Variants in DLD observed in about 807,000 individuals in gnomAD.
DLD encodes dihydrolipoamide dehydrogenase, also known as dihydrolipoyl dehydrogenase, mitochondrial.
In DLD, 36 loss-of-function variants were observed where a neutral mutation model predicts 62.2. That is an observed-to-expected ratio of 0.58 (90% CI 0.44 to 0.76). The LOEUF is 0.76. Among genes scored for constraint, DLD ranks in the 30% least tolerant of loss-of-function variants. The probability of loss-of-function intolerance (pLI) is 0.00; values close to 1 mark genes in which losing one functional copy is unlikely to be tolerated. For missense variants in DLD, 541 were observed against 608.6 expected (o/e 0.89, Z 1.17); for synonymous variants, 204 against 199.6 (o/e 1.02, Z -0.19).
chr7:107,902,479 C>T, intron 4 of DLD, 86 bp downstream of exon 4: 1 of 1,154,496 alleles, frequency 8.7e-7, no homozygotes, highest in East Asian at 2.4e-5. Flanking sequence ...TAGACAAATA[C>T]ACTTGTTAAA....
intron 2 of DLD, among the ~76,000 whole-genome samples, chr7:107,897,146 T>G (rs1277171152): frequency 2.0e-5 from 3 of 152,204 alleles, no homozygotes; most frequent in Admixed American, 6.5e-5. Flanking sequence ...AAAATCTGAT[T>G]TTACCTTTAT....
At chr7:107,914,184 C>T (rs1053131149) in intron 8 of DLD, among the ~76,000 whole-genome samples, 3 of 151,980 alleles carry the variant, frequency 2.0e-5, no homozygotes, top group Non-Finnish European at 2.9e-5. Flanking sequence ...AATGTACTTA[C>T]GTGCCATCTC....
chr7:107,916,148 A>G (rs1477027368), intron 9 of DLD, among the ~76,000 whole-genome samples: 3 of 152,152 alleles, frequency 2.0e-5, no homozygotes, highest in African/African-American at 4.8e-5. Context: ...ACTCAAAGAT[A>G]AGAAGCTGAA....
In DLD at chr7:107,903,602, CTGTCTAAAGACTTAAATG is replaced by C. The variant is rs376524199; in HGVS notation, c.337+63_337+80del. 1,143 of 1,042,440 alleles carry C rather than the reference CTGTCTAAAGACTTAAATG, an allele frequency of 1.1e-3. 13 individuals carry two copies. In the African/African-American group the frequency reaches 0.015, roughly 14 times the overall value. The allele number at this position is 1,042,440 out of a possible 1,614,324, so 64.6% of individuals were successfully genotyped here. A position where few individuals can be genotyped will look rare whatever the true frequency, so the allele number is the denominator to read the frequency against. ...TACCAGACTGCTTGACTTGGCTCTT[CTGTCTAAAGACTTAAATG>C]TGTCTAACGTACGCATAATAGATGT... On this transcript the variant is annotated intron_variant, in intron 5 of 13. Coordinates refer to ENST00000205402, the MANE Select transcript of DLD (RefSeq NM_000108.5).
At chr7:107,911,938 A>G (rs1293055653) in intron 8 of DLD, among the ~76,000 whole-genome samples, 2 of 151,896 alleles carry the variant, frequency 1.3e-5, no homozygotes, top group African/African-American at 2.4e-5. Flanking sequence ...GTCTAATTGT[A>G]TATTTGTACT....
In DLD at chr7:107,905,487, C is replaced by G. The variant is rs866471417; in HGVS notation, c.565C>G (p.Pro189Ala). Residue 189 changes from proline (P) to alanine (A), a missense_variant, in exon 7 of 14, where the codon CCT becomes GCT. Transcript: ENST00000205402. ...TATAGCCACGGGTTCAGAAGTTACT[C>G]CTTTTCCTGGAATCACGGTATTTAT... ...ILIATGSEVT[P>A]FPGITIDEDT... 26 of 1,613,686 alleles carry G rather than the reference C, an allele frequency of 1.6e-5. No individual in the cohort carries two copies. The highest frequency in any genetic ancestry group is 2.0e-5 in the Non-Finnish European group (24 of 1,179,750).
At chr7:107,915,810 ATTAC>A in intron 9 of DLD, 114 bp downstream of exon 9, 1 of 847,156 alleles carries the variant, frequency 1.2e-6, no homozygotes, top group South Asian at 1.5e-5. Flanking sequence ...AGGTCATTTT[ATTAC>A]TTAATATAAC....
At chr7:107,906,096 C>CA (rs1041581735) in intron 7 of DLD, among the ~76,000 whole-genome samples, 171 bp from the exon 8 acceptor site, 13 of 151,882 alleles carry the variant, frequency 8.6e-5, no homozygotes, top group African/African-American at 2.4e-5. Context: ...GGAATAATGA[C>CA]AAAAAAACCA....
chr7:107,899,382 A>G (rs1208765079), intron 2 of DLD, among the ~76,000 whole-genome samples: 1 of 151,420 alleles, frequency 6.6e-6, no homozygotes, highest in Non-Finnish European at 1.5e-5. Context: ...AAAAACACCT[A>G]AGATTACATA....
rs1175970997 is a variant in DLD at position 107,920,042 on chromosome 7, CT to C, written c.*787del. ...CTACTTCTAGTGTATATTCTAATTTCTTTTCTAGGCCTGAATGTATCTTTAT... is the reference window on the plus strand; with the variant it reads ...CTACTTCTAGTGTATATTCTAATTTCTTTCTAGGCCTGAATGTATCTTTAT... On this transcript the variant is annotated 3_prime_UTR_variant, in exon 14 of 14. Transcript: ENST00000205402. The C allele has an allele frequency of 6.6e-6, 1 of 152,202 alleles. No homozygotes were observed. The highest frequency in any genetic ancestry group is 1.5e-5 in the Non-Finnish European group (1 of 68,002). 9.4% of individuals were successfully genotyped at this position (152,202 alleles called of 1,614,324 possible).
intron 2 of DLD, among the ~76,000 whole-genome samples, chr7:107,896,088 G>A (rs538268763): frequency 3.8e-4 from 58 of 152,322 alleles, no homozygotes; most frequent in African/African-American, 1.1e-3. Context: ...TAAACAGAAC[G>A]TGGTAGGAGA....
chr7:107,906,394 T>C (rs557086233), intron 8 of DLD, 26 bp downstream of exon 8: 8 of 1,450,568 alleles, frequency 5.5e-6, no homozygotes, highest in Admixed American at 1.7e-5. Context: ...CTGCCTCTTA[T>C]TACCTCCTTG....
chr7:107,892,190 G>T lies in DLD; in HGVS notation c.39+901G>T, dbSNP rs541283767. On this transcript the variant is annotated intron_variant, in intron 1 of 13. Transcript: ENST00000205402. ...CATCAGTGTAGGTTTTGTCACTGCC[G>T]CCCATTTTCCTGCTGTGAGCAGGGG... is the stretch of plus-strand genomic sequence containing the variant. Among the ~76,000 whole-genome samples the T allele has an allele frequency of 1.7e-3, 263 of 152,230 alleles. 1 individual carries two copies. The highest frequency in any genetic ancestry group is 0.011 in the South Asian group (54 of 4,826).
chr7:107,899,020 T>C (rs908078540), intron 2 of DLD, among the ~76,000 whole-genome samples: 1 of 152,190 alleles, frequency 6.6e-6, no homozygotes, highest in Non-Finnish European at 1.5e-5. Flanking sequence ...TTTCTGACAT[T>C]TTATTATGAA....
chr7:107,919,413 ACT>A lies in DLD; in HGVS notation c.*157_*158del. ...TTAATAGGTTTGGACAAAATGGAAT[ACT>A]CTTATATCTATATTTTACATAAATT... On this transcript the variant is annotated 3_prime_UTR_variant, in exon 14 of 14. Coordinates refer to ENST00000205402, the MANE Select transcript of DLD (RefSeq NM_000108.5). 1 of 621,830 alleles carries A rather than the reference ACT, an allele frequency of 1.6e-6. No homozygotes were observed. The highest frequency in any genetic ancestry group is 2.8e-6 in the Non-Finnish European group (1 of 359,908). The allele number at this position is 621,830 out of a possible 1,614,324, so 38.5% of individuals were successfully genotyped here.
At chr7:107,912,798 C>T (rs757379992) in intron 8 of DLD, among the ~76,000 whole-genome samples, 36 of 152,006 alleles carry the variant, frequency 2.4e-4, no homozygotes, top group Non-Finnish European at 4.4e-4. Flanking sequence ...AGTTTTTTAA[C>T]TTAATGTAAT....
intron 7 of DLD, 40 bp downstream of exon 7, chr7:107,905,544 T>C: frequency 6.3e-7 from 1 of 1,592,398 alleles, no homozygotes; most frequent in Non-Finnish European, 8.6e-7. Flanking sequence ...ACAACTTTTC[T>C]TTAGAAATAC....
At chr7:107,895,266 T>C (rs1332112675) in intron 2 of DLD, among the ~76,000 whole-genome samples, 1 of 152,212 alleles carries the variant, frequency 6.6e-6, no homozygotes, top group Non-Finnish European at 1.5e-5. Context: ...CTTCAGAGCC[T>C]ACACTGTTAA....
chr7:107,893,320 A>C, intron 2 of DLD, 42 bp downstream of exon 2: 1 of 1,440,266 alleles, frequency 6.9e-7, no homozygotes, highest in South Asian at 1.2e-5. Flanking sequence ...ACATTAGCTG[A>C]CAGTTCCTTT....
Sources: allele counts gnomAD v4.1 joint callset (sites outside exome capture counted in the v4.1 genomes callset), GRCh38; gene constraint gnomAD v4.1.1; transcripts MANE v1.5; gene names NCBI Gene and HGNC (gene_info 2026-07-23, HGNC 2026-07-21).